The following COL6A1 variants were observed in gnomAD, a reference collection of about 807,000 sequenced individuals.
COL6A1 encodes collagen alpha-1(VI) chain.
In COL6A1, 80 loss-of-function variants were observed where a neutral mutation model predicts 145.6. The ratio of observed to expected loss-of-function variants is 0.55; its 90% CI spans 0.46 to 0.66. COL6A1 has a LOEUF of 0.66. COL6A1 is among the 30% of genes least tolerant of loss of function. The pLI, the probability that COL6A1 is intolerant of heterozygous loss-of-function variation, is 0.00. For missense variants in COL6A1, 1,364 were observed against 1,473.8 expected (o/e 0.93, Z 1.22); for synonymous variants, 638 against 622.8 (o/e 1.02, Z -0.36).
chr21:45,989,539 G>A, intron 9 of COL6A1, 69 bp from the exon 10 acceptor site: 2 of 1,509,276 alleles, frequency 1.3e-6, no homozygotes, highest in Non-Finnish European at 1.8e-6. Flanking sequence ...GAGGGGTGTG[G>A]GGCTGGGTGG....
At position 46,003,822 on chromosome 21, in the gene COL6A1, G is replaced by A. The variant is rs1224432118; in HGVS notation, c.2896G>A (p.Gly966Ser). The A allele has an allele frequency of 1.9e-6, 3 of 1,605,544 alleles. No individual in the cohort carries two copies. Among genetic ancestry groups the A allele is most frequent in the Middle Eastern group, 1.7e-4 (1 of 6,042 alleles). ...GGCCGTGCAGGAAGCCCAGCGGGCA[G>A]GCATCGAGATCTTCGTGGTGGTCGT... Reference protein sequence around the residue: ...EKAVQEAQRAGIEIFVVVVGR... With the variant: ...EKAVQEAQRASIEIFVVVVGR... Residue 966 changes from glycine to serine, a missense_variant, in exon 35 of 35, where the codon GGC becomes AGC. By Grantham distance (56) the Gly-to-Ser change is moderately conservative. Transcript: ENST00000361866.
Position 45,994,248 on chromosome 21 carries a change from T to C in COL6A1, c.1398+19T>C. On this transcript the variant is annotated intron_variant, in intron 20 of 34. Transcript: ENST00000361866. This position sits in a 1 kb window ranked among gnomAD's most constrained non-coding sequence, Gnocchi z 6.8. ...AGACCCGGTAGGAAGCGCTGTGGGG[T>C]TGGGGGGCGTTGGCCAATTTGGGTT... 1 of 1,600,120 alleles carries C rather than the reference T, an allele frequency of 6.2e-7. No individual in the cohort carries two copies. The highest frequency in any genetic ancestry group is 8.5e-7 in the Non-Finnish European group (1 of 1,174,258).
chr21:45,998,549 A>C (rs913835493), intron 24 of COL6A1, 116 bp downstream of exon 24: 1 of 1,389,858 alleles, frequency 7.2e-7, no homozygotes, highest in Non-Finnish European at 1.0e-6. Flanking sequence ...CACGGGGTAC[A>C]CAGGCACCCA....
At chr21:45,990,183 G>A (rs1030800480) in intron 11 of COL6A1, 75 bp from the exon 12 acceptor site, 101 of 1,582,406 alleles carry the variant, frequency 6.4e-5, no homozygotes, top group African/African-American at 5.5e-4. Flanking sequence ...CCCCTGCCTC[G>A]CGTGGGCCTA....
At chr21:45,997,544 C>CT in intron 21 of COL6A1, 61 bp downstream of exon 21, 1 of 1,578,252 alleles carries the variant, frequency 6.3e-7, no homozygotes, top group Non-Finnish European at 8.7e-7. Flanking sequence ...CCAGAACCCA[C>CT]TGTCTGCCCA....
At position 45,989,666 on chromosome 21, in the gene COL6A1, C is replaced by G. The variant is rs34495634; in HGVS notation, c.903+14C>G. The G allele has an allele frequency of 1.9e-6, 3 of 1,612,948 alleles. No individual in the cohort carries two copies. Among genetic ancestry groups the G allele is most frequent in the East Asian group, 2.2e-5 (1 of 44,880 alleles). The stretch of plus-strand genomic sequence containing the variant: ...CAGGGAATGAAGGTACGTGCCCCCC[C>G]TTTCCTGGCCCGAGCCCGGTGGTGC... On this transcript the variant is annotated intron_variant, in intron 10 of 34. Coordinates refer to ENST00000361866, the MANE Select transcript of COL6A1 (RefSeq NM_001848.3).
In COL6A1 at chr21:45,986,950, C is replaced by A; in HGVS notation, c.595C>A (p.Arg199Ser). Residue 199 changes from arginine (R) to serine (S), a missense_variant, in exon 5 of 35, where the codon CGT becomes AGT. Coordinates refer to ENST00000361866, the MANE Select transcript of COL6A1 (RefSeq NM_001848.3). ...VAITPDHLEP[R>S]LSIIATDHTY... ...CCCTGAACACTGCCCCCAGGAGCCG[C>A]GTCTGAGCATCATCGCCACGGACCA... is the stretch of plus-strand genomic sequence containing the variant. 6.5e-7 allele frequency: 1 copy of A among 1,550,068 alleles called. No individual in the cohort carries two copies. The highest frequency in any genetic ancestry group is 1.2e-5 in the South Asian group (1 of 84,666).
At position 45,992,375 on chromosome 21, in the gene COL6A1, C is replaced by T; in HGVS notation, c.1249C>T (p.Pro417Ser). Residue 417 changes from proline to serine, a missense_variant, in exon 18 of 35, where the codon CCT becomes TCT. This residue lies in a region of COL6A1 where 938 missense variants were observed against 1,003.8 expected (regional missense o/e 0.93). Transcript: ENST00000361866. ...CTCTTCATCCCAGGGGAACCCAGGA[C>T]CTGACGGTGCCCCCGGGGAGCGGGT... is the stretch of plus-strand genomic sequence containing the variant. ...GEAGDEGNPG[P>S]DGAPGERGGP... 1 of 1,613,566 alleles carries T rather than the reference C, an allele frequency of 6.2e-7. No homozygotes were observed. Among genetic ancestry groups the T allele is most frequent in the Non-Finnish European group, 8.5e-7 (1 of 1,179,990 alleles).
intron 2 of COL6A1, among the ~76,000 whole-genome samples, chr21:45,983,449 G>T (rs73374773): frequency 0.012 from 1,774 of 152,248 alleles, 31 homozygotes; most frequent in African/African-American, 0.039. Context: ...TGGCAGTGGG[G>T]ACACAGCTTA....
intron 28 of COL6A1, 102 bp downstream of exon 28, chr21:46,000,469 T>A: frequency 1.4e-6 from 2 of 1,398,608 alleles, no homozygotes; most frequent in Admixed American, 1.7e-5. Flanking sequence ...GGCCTGGGTC[T>A]CTGGGTACAT....
chr21:46,001,219 G>T, intron 29 of COL6A1, 34 bp from the exon 30 acceptor site: 1 of 1,592,968 alleles, frequency 6.3e-7, no homozygotes. Context: ...TGGAGGGGAG[G>T]GGCGTGCTCT....
intron 30 of COL6A1, 58 bp downstream of exon 30, chr21:46,001,444 C>A: frequency 6.3e-7 from 1 of 1,594,590 alleles, no homozygotes; most frequent in Non-Finnish European, 8.5e-7. Flanking sequence ...CCCTGCCGGC[C>A]GCCCCTGCCC....
In COL6A1 at chr21:45,987,194, A is replaced by G. The variant is rs753948039; in HGVS notation, c.738+19A>G. ...GCAAGTGGTAAGAGCCCTCCCCACC[A>G]CCCCCAGCCGTGAGTCTGCACACGT... On this transcript the variant is annotated intron_variant, in intron 6 of 34. Coordinates refer to ENST00000361866, the MANE Select transcript of COL6A1 (RefSeq NM_001848.3). 2 of 1,569,828 alleles carry G rather than the reference A, an allele frequency of 1.3e-6. No homozygotes were observed. The highest frequency in any genetic ancestry group is 1.7e-6 in the Non-Finnish European group (2 of 1,169,516).
At chr21:45,999,766 A>T (rs2123485298) in intron 27 of COL6A1, 74 bp downstream of exon 27, 169 of 1,112,812 alleles carry the variant, frequency 1.5e-4, no homozygotes, top group Non-Finnish European at 1.9e-4. Flanking sequence ...GGTCCTGTCC[A>T]TGGGTGCTCC....
Position 45,994,388 on chromosome 21 carries a change from G to T in COL6A1, c.1398+159G>T, listed in dbSNP as rs1241352104. Among the ~76,000 whole-genome samples the T allele has an allele frequency of 6.6e-6, 1 of 152,186 alleles. No homozygotes were observed. The highest frequency in any genetic ancestry group is 1.5e-5 in the Non-Finnish European group (1 of 68,028). On this transcript the variant is annotated intron_variant, in intron 20 of 34. Coordinates refer to ENST00000361866, the MANE Select transcript of COL6A1 (RefSeq NM_001848.3). This position sits in a 1 kb window ranked among gnomAD's most constrained non-coding sequence, Gnocchi z 6.8. ...GTCCCTGCGTGGGAGCCGGCTGCAG[G>T]GGGTGAGGCGCGGCCTGGGCCGGGC... is the stretch of plus-strand genomic sequence containing the variant.
At chr21:45,993,536 A>G (rs1434521115) in intron 19 of COL6A1, among the ~76,000 whole-genome samples, 1 of 152,246 alleles carries the variant, frequency 6.6e-6, no homozygotes, top group Non-Finnish European at 1.5e-5. Flanking sequence ...GAATCAAGAC[A>G]TGCGACTGTC....
chr21:45,987,764 GCGGGGGTCCAGA>G lies in COL6A1; in HGVS notation c.804+111_804+122del. 476 of 1,228,090 alleles carry G rather than the reference GCGGGGGTCCAGA, an allele frequency of 3.9e-4. 1 individual carries two copies. Among genetic ancestry groups the G allele is most frequent in the South Asian group, 6.4e-4 (44 of 68,966 alleles). The allele number at this position is 1,228,090 out of a possible 1,614,324, so 76.1% of individuals were successfully genotyped here. ...CCACCATGAGGATCCAGAGGGGACG[GCGGGGGTCCAGA>G]TGGAGGGGACGGCGGGGGTCCAGAT... On this transcript the variant is annotated intron_variant, in intron 8 of 34. Transcript: ENST00000361866.
chr21:45,998,343 C>T, intron 23 of COL6A1, 55 bp from the exon 24 acceptor site: 1 of 1,610,908 alleles, frequency 6.2e-7, no homozygotes, highest in African/African-American at 1.3e-5. Flanking sequence ...GCGCCCCTCA[C>T]AGCCTCCCCT....
chr21:46,001,176 G>A, intron 29 of COL6A1, 77 bp from the exon 30 acceptor site: 1 of 1,566,492 alleles, frequency 6.4e-7, no homozygotes. Flanking sequence ...GCCAAGGAGG[G>A]GCCAGGGCGG....
Sources: allele counts gnomAD v4.1 joint callset (sites outside exome capture counted in the v4.1 genomes callset), GRCh38; gene constraint gnomAD v4.1.1; regional missense constraint gnomAD v4.1.1; non-coding constraint Gnocchi (gnomAD v3.1); transcripts MANE v1.5; gene names NCBI Gene and HGNC (gene_info 2026-07-23, HGNC 2026-07-21).